Variants in BLNK observed in about 807,000 individuals in gnomAD.
BLNK encodes the protein B-cell linker protein.
In BLNK, 29 loss-of-function variants were observed where a neutral mutation model predicts 73.5. The ratio of observed to expected loss-of-function variants is 0.39; its 90% CI spans 0.29 to 0.54. The LOEUF (loss-of-function observed/expected upper bound fraction) is 0.54, where lower values mean the gene tolerates loss of function less well. BLNK is among the 20% of genes least tolerant of loss of function. The pLI, the probability that BLNK is intolerant of heterozygous loss-of-function variation, is 0.61. For synonymous variants in BLNK, 176 were observed against 200.8 expected (o/e 0.88, Z 1.04); for missense variants, 460 against 562.8 (o/e 0.82, Z 1.85).
chr10:96,249,166 T>C (rs1417942498), intron 1 of BLNK, among the ~76,000 whole-genome samples: 1 of 152,232 alleles, frequency 6.6e-6, no homozygotes, highest in Admixed American at 6.5e-5. Flanking sequence ...TTGTAGGAAA[T>C]GGTGATTTCC....
chr10:96,259,399 C>A (rs566417162), intron 1 of BLNK, among the ~76,000 whole-genome samples: 1 of 152,042 alleles, frequency 6.6e-6, no homozygotes, highest in South Asian at 2.1e-4. Flanking sequence ...GGGTAAGGCA[C>A]ATGGGAGGCA....
At chr10:96,260,504 A>G (rs1397802563) in intron 1 of BLNK, among the ~76,000 whole-genome samples, 2 of 152,230 alleles carry the variant, frequency 1.3e-5, no homozygotes, top group Admixed American at 6.5e-5. Context: ...GAATTTGAAT[A>G]TGTTCTTTTA....
chr10:96,193,299 T>TA, intron 16 of BLNK, among the ~76,000 whole-genome samples: 1 of 152,338 alleles, frequency 6.6e-6, no homozygotes, highest in Admixed American at 6.5e-5. Context: ...AGTTGAAAGT[T>TA]AAAGTTATGG....
At chr10:96,239,163 G>A (rs147609299) in intron 3 of BLNK, 1 of 398,684 alleles carries the variant, frequency 2.5e-6, no homozygotes, top group East Asian at 3.6e-5. Flanking sequence ...GGGAGCAGGT[G>A]TCTGAGGACA....
intron 6 of BLNK, 28 bp from the exon 7 acceptor site, chr10:96,216,762 A>C: frequency 1.3e-6 from 2 of 1,588,478 alleles, no homozygotes; most frequent in Non-Finnish European, 1.7e-6. Flanking sequence ...CTGAATGAGA[A>C]GAATGCTGTA....
intron 9 of BLNK, among the ~76,000 whole-genome samples, chr10:96,209,615 A>G (rs1554898219): frequency 2.0e-5 from 3 of 151,636 alleles, no homozygotes; most frequent in African/African-American, 7.3e-5. Context: ...CTGGTCTTGA[A>G]CTCCTGGCTT....
In BLNK at chr10:96,190,436, G is replaced by C. The variant is rs1206613818; in HGVS notation, c.*1537C>G. Among the ~76,000 whole-genome samples, 1 of 152,142 alleles carries C rather than the reference G, an allele frequency of 6.6e-6. No homozygotes were observed. The highest frequency in any genetic ancestry group is 1.5e-5 in the Non-Finnish European group (1 of 68,026). The stretch of plus-strand genomic sequence containing the variant: ...CACCCTACTGACCTCATCTTACCTT[G>C]ACTATATCTGTAAAGACCTCATTCC... On this transcript the variant is annotated 3_prime_UTR_variant, in exon 17 of 17. Coordinates refer to ENST00000224337, the MANE Select transcript of BLNK (RefSeq NM_013314.4).
In BLNK at chr10:96,189,727, T is replaced by C. The variant is rs2083299615; in HGVS notation, c.*2246A>G. 2 of 721,816 alleles carry C rather than the reference T, an allele frequency of 2.8e-6. No homozygotes were observed. The highest frequency in any genetic ancestry group is 5.0e-5 in the East Asian group (2 of 39,684). The allele number at this position is 721,816 out of a possible 1,614,324, so 44.7% of individuals were successfully genotyped here. A position where few individuals can be genotyped will look rare whatever the true frequency, so the allele number is the denominator to read the frequency against. On this transcript the variant is annotated 3_prime_UTR_variant, in exon 17 of 17. Coordinates refer to ENST00000224337, the MANE Select transcript of BLNK (RefSeq NM_013314.4). ...ATCATCATCATCATCATCATCATCA[T>C]CATCATCTTCATCAGCAGCAAGTTT...
intron 1 of BLNK, among the ~76,000 whole-genome samples, chr10:96,267,790 T>A (rs1462110786): frequency 6.6e-6 from 1 of 152,202 alleles, no homozygotes; most frequent in African/African-American, 2.4e-5. Context: ...ATGAAACTTA[T>A]CAGGGATCAA....
intron 6 of BLNK, 44 bp from the exon 7 acceptor site, chr10:96,216,778 A>G (rs2084076771): frequency 4.6e-6 from 7 of 1,531,614 alleles, no homozygotes; most frequent in Non-Finnish European, 6.3e-6. Context: ...CTGTACATTC[A>G]TAGTTGACTG....
intron 6 of BLNK, among the ~76,000 whole-genome samples, chr10:96,218,357 C>G (rs2084116077): frequency 6.6e-6 from 1 of 152,000 alleles, no homozygotes; most frequent in Admixed American, 6.6e-5. Context: ...AACTGAGGCA[C>G]AGAAAAATTA....
chr10:96,218,250 G>A (rs1170477067), intron 6 of BLNK, among the ~76,000 whole-genome samples: 2 of 152,172 alleles, frequency 1.3e-5, no homozygotes, highest in Non-Finnish European at 2.9e-5. Flanking sequence ...TTATTGCCAG[G>A]TGTTCTTCTA....
In BLNK at chr10:96,200,286, T is replaced by A; in HGVS notation, c.1012-128A>T. 1.5e-6 allele frequency: 1 copy of A among 652,188 alleles called. No individual in the cohort carries two copies. The highest frequency in any genetic ancestry group is 2.7e-6 in the Non-Finnish European group (1 of 369,574). The allele number at this position is 652,188 out of a possible 1,614,324, so 40.4% of individuals were successfully genotyped here. A position where few individuals can be genotyped will look rare whatever the true frequency, so the allele number is the denominator to read the frequency against. ...TACATTTACACCAATAATTTTAAGA[T>A]GAGTTTTATTTTTCCTTTGATCAAA... On this transcript the variant is annotated intron_variant, in intron 14 of 16. Transcript: ENST00000224337. The surrounding 1 kb of genome is among the most constrained non-coding windows in gnomAD (Gnocchi z 4.3).
At chr10:96,197,095 G>A in intron 15 of BLNK, 32 bp from the exon 16 acceptor site, 2 of 1,559,862 alleles carry the variant, frequency 1.3e-6, no homozygotes, top group South Asian at 1.1e-5. Context: ...ACATAATTAT[G>A]GTTAGTATTA....
At chr10:96,208,274 G>T (rs1349122579) in intron 9 of BLNK, among the ~76,000 whole-genome samples, 2 of 152,078 alleles carry the variant, frequency 1.3e-5, no homozygotes, top group Non-Finnish European at 2.9e-5. Flanking sequence ...TGTTTCTGTG[G>T]AGCCCCCTCT....
At chr10:96,263,814 C>T (rs1403830853) in intron 1 of BLNK, among the ~76,000 whole-genome samples, 1 of 152,194 alleles carries the variant, frequency 6.6e-6, no homozygotes, top group Admixed American at 6.5e-5. Flanking sequence ...GGAGCAACCT[C>T]CTGAGAGAGG....
At chr10:96,215,071 G>A (rs112145536) in intron 8 of BLNK, among the ~76,000 whole-genome samples, 1 of 152,130 alleles carries the variant, frequency 6.6e-6, no homozygotes, top group Non-Finnish European at 1.5e-5. Context: ...CAAGGAAGGG[G>A]ACACAGAGAA....
At chr10:96,214,778 TCTC>T (rs782109352) in intron 8 of BLNK, among the ~76,000 whole-genome samples, 2 of 152,148 alleles carry the variant, frequency 1.3e-5, no homozygotes, top group Non-Finnish European at 2.9e-5. Flanking sequence ...AATCATTCTC[TCTC>T]CTCAGCACTT....
rs548260350 is a variant in BLNK, at chr10:96,246,574, C to A, written c.113+410G>T. Among the ~76,000 whole-genome samples the A allele has an allele frequency of 1.6e-3, 247 of 152,206 alleles. 1 individual carries two copies. Among genetic ancestry groups the A allele is most frequent in the Non-Finnish European group, 2.6e-3 (176 of 67,990 alleles). On this transcript the variant is annotated intron_variant, in intron 2 of 16. Coordinates refer to ENST00000224337, the MANE Select transcript of BLNK (RefSeq NM_013314.4). ...TCTCAAAAAAACAAAAAAACAAAAT[C>A]AAAAACAAAACCCCAAAAAAAGGAA...
Sources: gnomAD v4.1 joint callset for allele counts (sites outside exome capture counted in the v4.1 genomes callset) on GRCh38, gnomAD v4.1.1 for gene constraint, Gnocchi (gnomAD v3.1) non-coding constraint, MANE v1.5 for transcripts, NCBI Gene and HGNC (gene_info 2026-07-23, HGNC 2026-07-21) for gene names.